The following SGMS2 variants were observed in gnomAD, a reference collection of about 807,000 sequenced individuals.
The protein encoded by SGMS2 is phosphatidylcholine:ceramide cholinephosphotransferase 2.
In SGMS2, 21 loss-of-function variants were observed where a neutral mutation model predicts 43.8. The ratio of observed to expected loss-of-function variants is 0.48; its 90% CI spans 0.34 to 0.69. The LOEUF (loss-of-function observed/expected upper bound fraction) is 0.69. SGMS2 is among the 30% of genes least tolerant of loss of function. The probability of loss-of-function intolerance (pLI) is 0.01; values close to 1 mark genes in which losing one functional copy is unlikely to be tolerated. For missense variants in SGMS2, 384 were observed against 443.2 expected, an observed-to-expected ratio of 0.87 and a Z score of 1.20; for synonymous variants, 167 against 160.6, an observed-to-expected ratio of 1.04 and a Z score of -0.30.
chr4:107,873,829 A>G (rs1181966599), intron 2 of SGMS2, among the ~76,000 whole-genome samples: 7 of 152,104 alleles, frequency 4.6e-5, no homozygotes, highest in African/African-American at 1.7e-4. Context: ...TCAGGATTTT[A>G]ATGGCAAGGA....
chr4:107,910,837 C>A lies in SGMS2; in HGVS notation c.*284C>A, dbSNP rs891297741. Reference sequence around the variant, plus strand: ...AAGAGGTGCCAAAGAACATATTCCTCCTTTCTTTATTCTTTCTCCACCAAA... The same window carrying A: ...AAGAGGTGCCAAAGAACATATTCCTACTTTCTTTATTCTTTCTCCACCAAA... On this transcript the variant is annotated 3_prime_UTR_variant, in exon 7 of 7. Transcript: ENST00000690982. The A allele has an allele frequency of 1.7e-5, 5 of 299,194 alleles. No individual in the cohort carries two copies. Among genetic ancestry groups the A allele is most frequent in the Non-Finnish European group, 2.5e-5 (4 of 161,628 alleles). 18.5% of individuals were successfully genotyped at this position (299,194 alleles called of 1,614,324 possible). A position where few individuals can be genotyped will look rare whatever the true frequency, so the allele number is the denominator to read the frequency against.
chr4:107,834,729 C>T (rs1726076669), intron 1 of SGMS2, among the ~76,000 whole-genome samples: 1 of 152,130 alleles, frequency 6.6e-6, no homozygotes, highest in South Asian at 2.1e-4. Context: ...ATCACAGTGT[C>T]AACTTCTGAA....
intron 1 of SGMS2, among the ~76,000 whole-genome samples, chr4:107,857,651 A>G (rs1157013967): frequency 6.6e-6 from 1 of 152,050 alleles, no homozygotes; most frequent in East Asian, 1.9e-4. Context: ...ACCTCTGGCC[A>G]GTAGCCTATA....
intron 2 of SGMS2, among the ~76,000 whole-genome samples, chr4:107,886,045 A>G (rs558135784): frequency 1.2e-4 from 18 of 152,302 alleles, no homozygotes; most frequent in African/African-American, 4.1e-4. Flanking sequence ...TTGCCATACT[A>G]TATAATGTGA....
intron 4 of SGMS2, among the ~76,000 whole-genome samples, chr4:107,902,282 C>T (rs1274505732): frequency 9.5e-6 from 1 of 105,468 alleles, no homozygotes; most frequent in Non-Finnish European, 1.8e-5. Context: ...AGAGCAAGAC[C>T]CTGTCTCAAA....
intron 1 of SGMS2, among the ~76,000 whole-genome samples, chr4:107,832,219 C>A (rs1445748795): frequency 6.6e-6 from 1 of 152,156 alleles, no homozygotes; most frequent in African/African-American, 2.4e-5. Context: ...ACCAGTTCTT[C>A]TGCATGAATG....
intron 2 of SGMS2, chr4:107,863,715 G>GT (rs904582960): frequency 2.0e-5 from 3 of 152,126 alleles, no homozygotes; most frequent in East Asian, 3.9e-4. Context: ...TTGCTTTACT[G>GT]TTTTTTCCTT....
chr4:107,838,802 A>G (rs1156471117), intron 1 of SGMS2, among the ~76,000 whole-genome samples: 2 of 151,672 alleles, frequency 1.3e-5, no homozygotes, highest in Non-Finnish European at 2.9e-5. Context: ...CTTTTTGCTT[A>G]TATCATCTGC....
At chr4:107,847,882 T>C (rs1281877135) in intron 1 of SGMS2, among the ~76,000 whole-genome samples, 1 of 152,172 alleles carries the variant, frequency 6.6e-6, no homozygotes, top group Non-Finnish European at 1.5e-5. Context: ...GTTTCCCACA[T>C]TAGTGTAGTA....
At chr4:107,865,933 T>G (rs1054164120) in intron 2 of SGMS2, among the ~76,000 whole-genome samples, 1 of 152,174 alleles carries the variant, frequency 6.6e-6, no homozygotes, top group Non-Finnish European at 1.5e-5. Flanking sequence ...CCACAAGAAA[T>G]AAAAGTATAA....
chr4:107,869,366 G>T (rs1728380853), intron 2 of SGMS2, among the ~76,000 whole-genome samples: 1 of 152,124 alleles, frequency 6.6e-6, no homozygotes, highest in South Asian at 2.1e-4. Context: ...TTTACATAAA[G>T]CTTGATAAGA....
intron 4 of SGMS2, among the ~76,000 whole-genome samples, chr4:107,900,692 A>G (rs1033673170): frequency 6.6e-6 from 1 of 152,134 alleles, no homozygotes; most frequent in Non-Finnish European, 1.5e-5. Context: ...ATTACAAATC[A>G]TGTGCTTTCT....
At chr4:107,888,647 T>C (rs1437918918) in intron 2 of SGMS2, among the ~76,000 whole-genome samples, 1 of 152,196 alleles carries the variant, frequency 6.6e-6, no homozygotes, top group African/African-American at 2.4e-5. Context: ...TCTCTTGTAT[T>C]TCCTGGTTCA....
intron 1 of SGMS2, among the ~76,000 whole-genome samples, chr4:107,854,816 A>AAACTATC (rs1182998576): frequency 6.6e-6 from 1 of 152,180 alleles, no homozygotes; most frequent in Non-Finnish European, 1.5e-5. Context: ...AAACAGTGAA[A>AAACTATC]AACTATCAAG....
At chr4:107,871,967 TAAATA>T (rs1308044610) in intron 2 of SGMS2, among the ~76,000 whole-genome samples, 3 of 152,192 alleles carry the variant, frequency 2.0e-5, no homozygotes, top group South Asian at 2.1e-4. Flanking sequence ...GATGATCAAT[TAAATA>T]AAAGTCCATC....
At chr4:107,858,145 TTCTTGTTTA>T (rs1046547553) in intron 1 of SGMS2, among the ~76,000 whole-genome samples, 16 of 152,196 alleles carry the variant, frequency 1.1e-4, no homozygotes, top group African/African-American at 3.4e-4. Context: ...TTGACTGGTC[TTCTTGTTTA>T]TCTGTGTGTT....
chr4:107,830,621 A>C (rs980855351), intron 1 of SGMS2, among the ~76,000 whole-genome samples: 6 of 152,174 alleles, frequency 3.9e-5, no homozygotes, highest in African/African-American at 1.4e-4. Context: ...GCATTTCTCT[A>C]GTAATTAATG....
At chr4:107,873,665 C>T (rs1293218070) in intron 2 of SGMS2, among the ~76,000 whole-genome samples, 1 of 151,984 alleles carries the variant, frequency 6.6e-6, no homozygotes, top group Non-Finnish European at 1.5e-5. Context: ...GACTTTTTCA[C>T]ATGGTAAATT....
intron 1 of SGMS2, among the ~76,000 whole-genome samples, chr4:107,847,579 A>T (rs939210321): frequency 2.6e-5 from 4 of 151,952 alleles, no homozygotes; most frequent in African/African-American, 7.3e-5. Flanking sequence ...TTGGCTTAGG[A>T]TTGACTTGGC....
Sources: allele counts gnomAD v4.1 joint callset (sites outside exome capture counted in the v4.1 genomes callset), GRCh38; gene constraint gnomAD v4.1.1; transcripts MANE v1.5; gene names NCBI Gene and HGNC (gene_info 2026-07-23, HGNC 2026-07-21).